NR3C1: variants seen among roughly 807,000 people sequenced by gnomAD.
The protein encoded by NR3C1 is glucocorticoid receptor.
Under a neutral mutation model 74.0 loss-of-function variants are expected in NR3C1, and 14 were observed. That is an observed-to-expected ratio of 0.19 (90% confidence interval 0.12 to 0.30). The LOEUF is 0.30. NR3C1 is among the 10% of genes least tolerant of loss of function. The pLI is 1.00. For missense variants in NR3C1, 695 were observed against 909.8 expected (o/e 0.76, Z 3.04); for synonymous variants, 308 against 332.5 (o/e 0.93, Z 0.80).
At chr5:143,427,897 A>G (rs1344674885) in intron 1 of NR3C1, among the ~76,000 whole-genome samples, 1 of 152,238 alleles carries the variant, frequency 6.6e-6, no homozygotes, top group African/African-American at 2.4e-5. Context: ...TTGTGAGGTC[A>G]TCATGGAAAA....
upstream of NR3C1, chr5:143,405,384 A>C: frequency 2.0e-6 from 2 of 982,756 alleles, no homozygotes; most frequent in Non-Finnish European, 1.2e-6. Context: ...GACATCTTGA[A>C]GACGATTGGG....
intron 2 of NR3C1, among the ~76,000 whole-genome samples, chr5:143,335,031 T>G (rs1826818764): frequency 6.6e-6 from 1 of 152,138 alleles, no homozygotes; most frequent in Non-Finnish European, 1.5e-5. Flanking sequence ...GGGTATGCAA[T>G]AGAGAACATG....
intron 2 of NR3C1, among the ~76,000 whole-genome samples, chr5:143,337,033 G>GCA (rs1242844342): frequency 6.6e-6 from 1 of 151,794 alleles, no homozygotes; most frequent in Admixed American, 6.6e-5. Context: ...ACATGTGTGC[G>GCA]CACACACACA....
intron 2 of NR3C1, among the ~76,000 whole-genome samples, chr5:143,348,673 A>ACT (rs1167817441): frequency 1.3e-5 from 2 of 152,172 alleles, no homozygotes; most frequent in Non-Finnish European, 1.5e-5. Flanking sequence ...GTTCCCATGT[A>ACT]CGAGAAGACT....
At chr5:143,372,302 ACTT>A (rs549239004) in intron 2 of NR3C1, among the ~76,000 whole-genome samples, 1 of 152,144 alleles carries the variant, frequency 6.6e-6, no homozygotes, top group Non-Finnish European at 1.5e-5. Context: ...CCACTCCTGC[ACTT>A]TGGGGCCACT....
At chr5:143,310,932 A>G (rs1178095547) in intron 3 of NR3C1, among the ~76,000 whole-genome samples, 1 of 152,254 alleles carries the variant, frequency 6.6e-6, no homozygotes, top group East Asian at 1.9e-4. Context: ...CTGGGATTAC[A>G]GGCATGAGCC....
chr5:143,435,094 G>A (rs1752046983), exon 1 of NR3C1: 1 of 985,250 alleles, frequency 1.0e-6, no homozygotes, highest in Non-Finnish European at 1.2e-6. Context: ...TCTGATGCTG[G>A]GAATTTTATC....
chr5:143,304,829 G>C (rs188007198), intron 4 of NR3C1, among the ~76,000 whole-genome samples: 1 of 152,086 alleles, frequency 6.6e-6, no homozygotes, highest in Admixed American at 6.6e-5. Flanking sequence ...TAATGGTGCT[G>C]GGATAACTGG....
chr5:143,285,387 T>G (rs1814162714), intron 7 of NR3C1, among the ~76,000 whole-genome samples: 1 of 152,128 alleles, frequency 6.6e-6, no homozygotes, highest in South Asian at 2.1e-4. Context: ...CAGACAAATC[T>G]AACATTATAA....
In NR3C1 at chr5:143,280,197, T is replaced by C. The variant is rs1812884705; in HGVS notation, c.*1692A>G. ...ATTTCTTTGACCCCTACAAAAAATA[T>C]ATAACATGTCATGATAAAACAATCT... is the stretch of plus-strand genomic sequence containing the variant. On this transcript the variant is annotated 3_prime_UTR_variant, in exon 9 of 9. Transcript: ENST00000394464. The C allele has an allele frequency of 2.6e-5, 4 of 152,608 alleles. No individual in the cohort carries two copies. In the South Asian group the frequency reaches 8.3e-4, roughly 32 times the overall value. 9.5% of individuals were successfully genotyped at this position (152,608 alleles called of 1,614,324 possible).
At chr5:143,303,354 C>T (rs1338531872) in intron 4 of NR3C1, among the ~76,000 whole-genome samples, 2 of 151,746 alleles carry the variant, frequency 1.3e-5, no homozygotes, top group Non-Finnish European at 2.9e-5. Context: ...AATGGAAACA[C>T]ACAACCTGCC....
Position 143,306,874 on chromosome 5 carries a change from A to ATTTTTTTTTT in NR3C1, c.1468+3213_1468+3222dup, listed in dbSNP as rs70991802. On this transcript the variant is annotated intron_variant, in intron 4 of 8. Transcript: ENST00000394464. ...ACTGCAGCCTAAATTGTATGCTTAA[A>ATTTTTTTTTT]TTTTTTTTTTTTTTTTTTTTTTTTT... Among the ~76,000 whole-genome samples, 29 of 82,902 alleles carry ATTTTTTTTTT rather than the reference A, an allele frequency of 3.5e-4. 1 individual carries two copies. Among genetic ancestry groups the ATTTTTTTTTT allele is most frequent in the African/African-American group, 1.4e-3 (27 of 19,650 alleles). The allele number at this position is 82,902 out of a possible 152,430, so 54.4% of individuals were successfully genotyped here.
chr5:143,284,325 TTA>T (rs1813800733), intron 7 of NR3C1, among the ~76,000 whole-genome samples: 1 of 152,150 alleles, frequency 6.6e-6, no homozygotes, highest in Admixed American at 6.6e-5. Context: ...TTTCATTGGA[TTA>T]TGATTAGAAT....
Position 143,294,394 on chromosome 5 carries a change from C to A in NR3C1, c.2023+1066G>T, listed in dbSNP as rs116928503. The A allele has an allele frequency of 4.0e-4, 345 of 852,334 alleles. 7 individuals are homozygous for A. In the East Asian group the frequency reaches 0.025, roughly 61 times the overall value. 52.8% of individuals were successfully genotyped at this position (852,334 alleles called of 1,614,324 possible). A position where few individuals can be genotyped will look rare whatever the true frequency, so the allele number is the denominator to read the frequency against. ...TTATAATACCAACTAGTTCATAGAG[C>A]TTTTTTTAAAAAAGACTTTTTTTAG... On this transcript the variant is annotated intron_variant, in intron 7 of 8. Coordinates refer to ENST00000394464, the MANE Select transcript of NR3C1 (RefSeq NM_000176.3).
At chr5:143,406,314 C>T (rs901796383), upstream of NR3C1, among the ~76,000 whole-genome samples, 2 of 151,450 alleles carry the variant, frequency 1.3e-5, no homozygotes, top group Non-Finnish European at 2.9e-5. Context: ...ACAAGAGTTC[C>T]CAATTATTCT....
At chr5:143,419,645 AGGTGTG>A (rs1386548233) in intron 1 of NR3C1, among the ~76,000 whole-genome samples, 2 of 152,172 alleles carry the variant, frequency 1.3e-5, no homozygotes, top group African/African-American at 4.8e-5. Flanking sequence ...ATGTACGAAT[AGGTGTG>A]GGTCACAGAG....
chr5:143,403,668 G>C lies in NR3C1; in HGVS notation c.-471C>G. On this transcript the variant is annotated 5_prime_UTR_variant, in exon 1 of 9. Coordinates refer to ENST00000394464, the MANE Select transcript of NR3C1 (RefSeq NM_000176.3). ...CTGGGCGAGCGAGCGGGACCGAGCG[G>C]GGAGCGGGTGGAGGCGGCGCCACGG... is the stretch of plus-strand genomic sequence containing the variant. The C allele has an allele frequency of 1.0e-6, 1 of 985,580 alleles. No homozygotes were observed. The highest frequency in any genetic ancestry group is 1.7e-5 in the African/African-American group (1 of 57,360). 61.1% of individuals were successfully genotyped at this position (985,580 alleles called of 1,614,324 possible). A position where few individuals can be genotyped will look rare whatever the true frequency, so the allele number is the denominator to read the frequency against.
At chr5:143,294,311 A>G in intron 7 of NR3C1, 1 of 939,376 alleles carries the variant, frequency 1.1e-6, no homozygotes, top group Non-Finnish European at 1.3e-6. Flanking sequence ...GTATTCAGCT[A>G]TTAACTCAGT....
At chr5:143,345,110 G>A (rs547966931) in intron 2 of NR3C1, among the ~76,000 whole-genome samples, 5 of 152,284 alleles carry the variant, frequency 3.3e-5, no homozygotes, top group South Asian at 2.1e-4. Flanking sequence ...ATGGGGTGGC[G>A]TCCTGTCTAT....
Sources: allele counts gnomAD v4.1 joint callset (sites outside exome capture counted in the v4.1 genomes callset), GRCh38; gene constraint gnomAD v4.1.1; transcripts MANE v1.5; gene names NCBI Gene and HGNC (gene_info 2026-07-23, HGNC 2026-07-21).